ERBB4: variants seen among roughly 807,000 people sequenced by gnomAD.
ERBB4 encodes the protein receptor tyrosine-protein kinase erbB-4.
A neutral mutation model predicts 158.0 loss-of-function variants in ERBB4; 42 were observed. That is an observed-to-expected ratio of 0.27 (90% CI 0.21 to 0.34). The LOEUF (loss-of-function observed/expected upper bound fraction) is 0.34, where lower values mean the gene tolerates loss of function less well. Among genes scored for constraint, ERBB4 ranks in the 10% least tolerant of loss-of-function variants. The pLI, the probability that ERBB4 is intolerant of heterozygous loss-of-function variation, is 1.00. For missense variants in ERBB4, 1,333 were observed against 1,624.1 expected, an observed-to-expected ratio of 0.82 and a Z score of 3.08; for synonymous variants, 583 against 558.7, an observed-to-expected ratio of 1.04 and a Z score of -0.61.
At chr2:212,184,918 A>G (rs2081972433) in intron 1 of ERBB4, among the ~76,000 whole-genome samples, 1 of 151,996 alleles carries the variant, frequency 6.6e-6, no homozygotes, top group Non-Finnish European at 1.5e-5. Context: ...ATTAACAAGG[A>G]CCAATCTAGT....
intron 2 of ERBB4, among the ~76,000 whole-genome samples, chr2:212,044,680 G>C (rs2077216523): frequency 6.6e-6 from 1 of 152,156 alleles, no homozygotes; most frequent in South Asian, 2.1e-4. Flanking sequence ...AGCTTCAAAA[G>C]GATGCAATGC....
chr2:211,765,656 T>C (rs1333746962), intron 4 of ERBB4, among the ~76,000 whole-genome samples: 4 of 152,224 alleles, frequency 2.6e-5, no homozygotes, highest in African/African-American at 9.6e-5. Context: ...GACATTTGTT[T>C]ATTCCACTAA....
chr2:211,791,017 T>C (rs1405507540), intron 3 of ERBB4, among the ~76,000 whole-genome samples: 1 of 151,958 alleles, frequency 6.6e-6, no homozygotes, highest in East Asian at 1.9e-4. Context: ...TTTGTAACTT[T>C]ACATTTTTAA....
At chr2:211,631,448 T>C (rs1167085517) in intron 16 of ERBB4, among the ~76,000 whole-genome samples, 3 of 152,086 alleles carry the variant, frequency 2.0e-5, no homozygotes, top group Admixed American at 2.0e-4. Context: ...CATCATACAC[T>C]CATAAAAGAG....
At chr2:212,136,847 G>T (rs1381696572) in intron 1 of ERBB4, among the ~76,000 whole-genome samples, 1 of 152,084 alleles carries the variant, frequency 6.6e-6, no homozygotes, top group Non-Finnish European at 1.5e-5. Context: ...AGTCTTTACT[G>T]TTATCTTCAG....
intron 1 of ERBB4, among the ~76,000 whole-genome samples, chr2:212,287,197 A>T (rs572613333): frequency 6.6e-6 from 1 of 152,138 alleles, no homozygotes; most frequent in African/African-American, 2.4e-5. Flanking sequence ...CCTTGCAATG[A>T]ATTTTCATAC....
chr2:211,777,331 A>C (rs2106289435), intron 4 of ERBB4: 1 of 152,268 alleles, frequency 6.6e-6, no homozygotes, highest in South Asian at 2.1e-4. Context: ...AGGGGGACTT[A>C]ACCAAACACA....
intron 17 of ERBB4, among the ~76,000 whole-genome samples, chr2:211,628,729 G>C (rs1054800479): frequency 6.6e-6 from 1 of 152,118 alleles, no homozygotes; most frequent in Non-Finnish European, 1.5e-5. Context: ...GTTCCAGATC[G>C]CTGAGGAATC....
intron 1 of ERBB4, among the ~76,000 whole-genome samples, chr2:212,448,886 G>C (rs915045263): frequency 3.3e-5 from 5 of 152,030 alleles, no homozygotes; most frequent in Non-Finnish European, 5.9e-5. Context: ...CATACTCCCA[G>C]GTTTTCTATT....
chr2:211,984,404 T>G (rs1444664219), intron 2 of ERBB4, among the ~76,000 whole-genome samples: 1 of 152,196 alleles, frequency 6.6e-6, no homozygotes. Context: ...TAGCATATTA[T>G]GCTCTGAAAA....
chr2:212,241,158 G>A (rs1421011255), intron 1 of ERBB4, among the ~76,000 whole-genome samples: 1 of 152,152 alleles, frequency 6.6e-6, no homozygotes, highest in African/African-American at 2.4e-5. Context: ...TTGGGAGGTT[G>A]AGGCAGGAGG....
chr2:212,265,491 T>C (rs947406584), intron 1 of ERBB4, among the ~76,000 whole-genome samples: 11 of 152,222 alleles, frequency 7.2e-5, no homozygotes, highest in African/African-American at 2.4e-4. Context: ...AACTGCCAGA[T>C]AGAGTAAGAG....
chr2:212,510,205 GTATATATA>G (rs10556403), intron 1 of ERBB4, among the ~76,000 whole-genome samples: 17,107 of 130,418 alleles, frequency 0.13, 1,329 homozygotes, highest in South Asian at 0.18. Context: ...TAACCACACA[GTATATATA>G]TATATATATA....
intron 19 of ERBB4, among the ~76,000 whole-genome samples, chr2:211,595,847 G>A (rs1295887217): frequency 6.6e-6 from 1 of 152,132 alleles, no homozygotes; most frequent in Non-Finnish European, 1.5e-5. Context: ...GCTGACTGTG[G>A]GACTTGAGTA....
intron 1 of ERBB4, among the ~76,000 whole-genome samples, chr2:212,382,648 T>C (rs924013373): frequency 1.3e-5 from 2 of 151,160 alleles, no homozygotes; most frequent in South Asian, 2.1e-4. Flanking sequence ...ATTGTAACAG[T>C]TGAGACAGAC....
At chr2:211,741,452 T>C (rs1036459300) in intron 5 of ERBB4, among the ~76,000 whole-genome samples, 4 of 143,210 alleles carry the variant, frequency 2.8e-5, no homozygotes, top group East Asian at 4.1e-4. Flanking sequence ...TATGTAGTTA[T>C]ACACACACAC....
At chr2:212,441,776 T>C (rs1015630599) in intron 1 of ERBB4, among the ~76,000 whole-genome samples, 4 of 152,148 alleles carry the variant, frequency 2.6e-5, no homozygotes, top group African/African-American at 7.2e-5. Context: ...GAGCTGGAAA[T>C]GCCTGATCTC....
rs1409262104 is a variant in ERBB4 at position 211,382,192 on chromosome 2, G to A, written c.*1423C>T. 1 of 231,250 alleles carries A rather than the reference G, an allele frequency of 4.3e-6. No individual in the cohort carries two copies. The highest frequency in any genetic ancestry group is 6.1e-5 in the East Asian group (1 of 16,310). 14.3% of individuals were successfully genotyped at this position (231,250 alleles called of 1,614,324 possible). On this transcript the variant is annotated 3_prime_UTR_variant, in exon 28 of 28. Coordinates refer to ENST00000342788, the MANE Select transcript of ERBB4 (RefSeq NM_005235.3). ...TTTATTATACCAATTTATGTGCAAA[G>A]AGTTACCTTCTACTTCATATAAATA...
At chr2:212,520,023 A>G (rs1165159760) in intron 1 of ERBB4, among the ~76,000 whole-genome samples, 1 of 151,954 alleles carries the variant, frequency 6.6e-6, no homozygotes, top group Non-Finnish European at 1.5e-5. Flanking sequence ...ATCACTCTGT[A>G]TCCCATAAAT....
Sources: allele counts gnomAD v4.1 joint callset (sites outside exome capture counted in the v4.1 genomes callset), GRCh38; gene constraint gnomAD v4.1.1; transcripts MANE v1.5; gene names NCBI Gene and HGNC (gene_info 2026-07-23, HGNC 2026-07-21).